WWOX: variants seen among roughly 807,000 people sequenced by gnomAD.
WWOX encodes WW domain containing oxidoreductase, also known as WW domain-containing oxidoreductase.
In WWOX, 69 loss-of-function variants were observed where a neutral mutation model predicts 46.2. That is an observed-to-expected ratio of 1.49 (90% CI 1.23 to 1.82). The LOEUF is 1.82. WWOX is among the 40% of genes most tolerant of loss of function. The probability of loss-of-function intolerance (pLI) is 0.00; values close to 1 mark genes in which losing one functional copy is unlikely to be tolerated. For synonymous variants in WWOX, 359 were observed against 202.6 expected (o/e 1.77, Z -6.56); for missense variants, 919 against 542.6 (o/e 1.69, Z -6.89).
At chr16:78,148,474 A>G (rs2034284624) in intron 4 of WWOX, among the ~76,000 whole-genome samples, 1 of 152,210 alleles carries the variant, frequency 6.6e-6, no homozygotes, top group Admixed American at 6.5e-5. Context: ...GAGAACCTTT[A>G]AAAGACACAG....
chr16:79,021,558 C>T (rs1416070976), intron 8 of WWOX, among the ~76,000 whole-genome samples: 1 of 152,156 alleles, frequency 6.6e-6, no homozygotes. Flanking sequence ...GGTCCATTAA[C>T]TACTAATTAT....
chr16:78,565,451 A>G (rs2044541738), intron 8 of WWOX, among the ~76,000 whole-genome samples: 1 of 152,146 alleles, frequency 6.6e-6, no homozygotes, highest in South Asian at 2.1e-4. Flanking sequence ...CAGCAGTTTA[A>G]TATCATCACA....
At chr16:78,936,974 T>C (rs992469761) in intron 8 of WWOX, among the ~76,000 whole-genome samples, 2 of 152,210 alleles carry the variant, frequency 1.3e-5, no homozygotes, top group Non-Finnish European at 2.9e-5. Context: ...AATCCATTAG[T>C]AATCCATTTG....
intron 8 of WWOX, among the ~76,000 whole-genome samples, chr16:78,967,778 G>C (rs769478278): frequency 9.9e-5 from 15 of 152,120 alleles, no homozygotes; most frequent in Non-Finnish European, 1.5e-4. Flanking sequence ...GGATGGCACA[G>C]AGTTCCAAAT....
chr16:78,681,689 T>G (rs2738622), intron 8 of WWOX, among the ~76,000 whole-genome samples: 124,993 of 152,186 alleles, frequency 0.82, 51,476 homozygotes, highest in South Asian at 0.86. Context: ...AACCTGATTA[T>G]CCCCAGCCCA....
chr16:78,645,972 C>G lies in WWOX; in HGVS notation c.1056+213220C>G, dbSNP rs560772742. ...GCAGCGTCTTCAATTCTGTCCCTGGCTCTGCTCCTTCTCTCCCCCTCCTCT... is the reference window on the plus strand; with the variant it reads ...GCAGCGTCTTCAATTCTGTCCCTGGGTCTGCTCCTTCTCTCCCCCTCCTCT... On this transcript the variant is annotated intron_variant, in intron 8 of 8. Transcript: ENST00000566780. Among the ~76,000 whole-genome samples, 6 of 152,254 alleles carry G rather than the reference C, an allele frequency of 3.9e-5. No individual in the cohort carries two copies. The South Asian group carries it at 1.2e-3, about 32-fold the overall frequency.
chr16:79,118,171 C>A (rs2049556192), intron 8 of WWOX, among the ~76,000 whole-genome samples: 1 of 152,178 alleles, frequency 6.6e-6, no homozygotes, highest in Non-Finnish European at 1.5e-5. Context: ...CTCTTGGGCA[C>A]TGAAAAGCCA....
intron 8 of WWOX, among the ~76,000 whole-genome samples, chr16:78,997,451 A>T (rs968500104): frequency 9.9e-5 from 15 of 152,164 alleles, no homozygotes; most frequent in African/African-American, 3.6e-4. Flanking sequence ...GTATATCTGT[A>T]TGGGCCTGAC....
chr16:78,418,567 G>C (rs567985909), intron 6 of WWOX, among the ~76,000 whole-genome samples: 1 of 152,080 alleles, frequency 6.6e-6, no homozygotes, highest in Non-Finnish European at 1.5e-5. Flanking sequence ...CAAAATGCTA[G>C]CAAGCCAAAT....
At chr16:78,331,370 G>A (rs1358283899) in intron 5 of WWOX, among the ~76,000 whole-genome samples, 1 of 152,022 alleles carries the variant, frequency 6.6e-6, no homozygotes, top group East Asian at 1.9e-4. Flanking sequence ...ACCCCTTCAG[G>A]TCCAAATGAA....
At chr16:78,972,388 T>G (rs1469848963) in intron 8 of WWOX, among the ~76,000 whole-genome samples, 1 of 151,366 alleles carries the variant, frequency 6.6e-6, no homozygotes, top group African/African-American at 2.4e-5. Flanking sequence ...AGGATCTTAA[T>G]CAGACATTAT....
chr16:78,211,323 A>C (rs1443767979), intron 5 of WWOX, among the ~76,000 whole-genome samples: 1 of 152,088 alleles, frequency 6.6e-6, no homozygotes, highest in Non-Finnish European at 1.5e-5. Flanking sequence ...CATGGCTTTG[A>C]AGAGCTCTTT....
At chr16:78,767,350 A>G (rs2049947356) in intron 8 of WWOX, among the ~76,000 whole-genome samples, 2 of 151,592 alleles carry the variant, frequency 1.3e-5, no homozygotes, top group Admixed American at 1.3e-4. Context: ...GCCCTGGCTG[A>G]TCTTGAACTC....
At chr16:78,627,214 C>T (rs11860178) in intron 8 of WWOX, among the ~76,000 whole-genome samples, 5,656 of 152,218 alleles carry the variant, frequency 0.037, 334 homozygotes, top group African/African-American at 0.13. Context: ...TCAGGCCACT[C>T]TTCCCCCTGT....
At chr16:78,875,840 C>G (rs947137162) in intron 8 of WWOX, among the ~76,000 whole-genome samples, 1 of 152,112 alleles carries the variant, frequency 6.6e-6, no homozygotes, top group African/African-American at 2.4e-5. Flanking sequence ...GCATCTCATT[C>G]GTTTTTTAAA....
rs758874239 is a variant in WWOX at position 78,654,546 on chromosome 16, G to A, written c.1056+221794G>A. Among the ~76,000 whole-genome samples, 186 of 152,032 alleles carry A rather than the reference G, an allele frequency of 1.2e-3. 3 individuals are homozygous for A. The highest frequency in any genetic ancestry group is 6.6e-4 in the Non-Finnish European group (45 of 68,006). On this transcript the variant is annotated intron_variant, in intron 8 of 8. Transcript: ENST00000566780. ...ATAAACTGAGCTCTTTGGAGAAGAG[G>A]CCCACGTTCTTTTCAGATTCTGATT...
intron 5 of WWOX, among the ~76,000 whole-genome samples, chr16:78,385,070 G>C (rs892749378): frequency 1.3e-5 from 2 of 151,568 alleles, no homozygotes; most frequent in African/African-American, 4.9e-5. Context: ...GGAAGTGGAG[G>C]TTGCAGTGAG....
chr16:78,468,526 G>C (rs775754211), intron 8 of WWOX, among the ~76,000 whole-genome samples: 2 of 152,030 alleles, frequency 1.3e-5, no homozygotes, highest in Non-Finnish European at 2.9e-5. Context: ...GTCCATTGTC[G>C]GCCCTCTTAG....
intron 8 of WWOX, among the ~76,000 whole-genome samples, chr16:78,672,415 A>T (rs1252688255): frequency 6.6e-6 from 1 of 152,150 alleles, no homozygotes; most frequent in Non-Finnish European, 1.5e-5. Flanking sequence ...TAGTGTATGG[A>T]TTGGTGATTT....
Sources: gnomAD v4.1 joint callset for allele counts (sites outside exome capture counted in the v4.1 genomes callset) on GRCh38, gnomAD v4.1.1 for gene constraint, MANE v1.5 for transcripts, NCBI Gene and HGNC (gene_info 2026-07-23, HGNC 2026-07-21) for gene names.